Variants in HOMER2 observed in about 807,000 individuals in gnomAD.
The protein encoded by HOMER2 is homer protein homolog 2.
In HOMER2, 27 loss-of-function variants were observed where a neutral mutation model predicts 47.0. That is an observed-to-expected ratio of 0.57 (90% CI 0.42 to 0.79). HOMER2 has a LOEUF of 0.79. Ranked by LOEUF, HOMER2 falls within the 30% of genes least tolerant of loss-of-function variation. The pLI is 0.00. For synonymous variants in HOMER2, 161 were observed against 163.8 expected (o/e 0.98, Z 0.13); for missense variants, 443 against 435.0 (o/e 1.02, Z -0.16).
intron 1 of HOMER2, among the ~76,000 whole-genome samples, chr15:82,944,788 T>C (rs1258870237): frequency 6.6e-6 from 1 of 151,750 alleles, no homozygotes; most frequent in Admixed American, 6.6e-5. Flanking sequence ...AAACAGGAAA[T>C]ATAATGTCCT....
chr15:82,970,722 TTC>T (rs2029957466), intron 1 of HOMER2, among the ~76,000 whole-genome samples: 1 of 152,186 alleles, frequency 6.6e-6, no homozygotes, highest in Non-Finnish European at 1.5e-5. Flanking sequence ...GAGATAAAAT[TTC>T]TTTCAAATGG....
Position 82,952,670 on chromosome 15 carries a change from C to T in HOMER2, c.-135G>A, listed in dbSNP as rs2054534159. 3 of 995,154 alleles carry T rather than the reference C, an allele frequency of 3.0e-6. No individual in the cohort carries two copies. Among genetic ancestry groups the T allele is most frequent in the Non-Finnish European group, 3.6e-6 (3 of 837,724 alleles). The allele number at this position is 995,154 out of a possible 1,614,324, so 61.6% of individuals were successfully genotyped here. A position where few individuals can be genotyped will look rare whatever the true frequency, so the allele number is the denominator to read the frequency against. On this transcript the variant is annotated 5_prime_UTR_variant, in exon 1 of 9. Coordinates refer to ENST00000450735, the MANE Select transcript of HOMER2 (RefSeq NM_004839.4). ...TCAGCCCCGGCGCCGCTCCATTCCG[C>T]GGGGCTGCGCGGCTGCCACTGCTGC...
intron 1 of HOMER2, among the ~76,000 whole-genome samples, chr15:82,975,689 T>G (rs1387151247): frequency 5.9e-5 from 9 of 151,908 alleles, no homozygotes; most frequent in African/African-American, 2.2e-4. Flanking sequence ...AGATAAAGAG[T>G]AGAAGGATGA....
At chr15:82,985,950 G>T, upstream of HOMER2, 1 of 503,190 alleles carries the variant, frequency 2.0e-6, no homozygotes, top group Non-Finnish European at 2.6e-6. Flanking sequence ...CAGAACTTCC[G>T]TCTCTACCCG....
At chr15:82,854,533 G>A (rs1416505710) in intron 6 of HOMER2, 111 bp downstream of exon 6, 2 of 1,123,748 alleles carry the variant, frequency 1.8e-6, no homozygotes, top group African/African-American at 1.5e-5. Context: ...TCTTCCTCTG[G>A]CCATGGGGAT....
At chr15:82,923,940 T>G (rs2053794966) in intron 1 of HOMER2, among the ~76,000 whole-genome samples, 1 of 152,172 alleles carries the variant, frequency 6.6e-6, no homozygotes, top group South Asian at 2.1e-4. Flanking sequence ...ACATCTTACG[T>G]GCCGTGTCTC....
At chr15:82,951,659 C>T (rs2054508608) in intron 1 of HOMER2, among the ~76,000 whole-genome samples, 1 of 152,254 alleles carries the variant, frequency 6.6e-6, no homozygotes, top group African/African-American at 2.4e-5. Context: ...ATGCCCACGT[C>T]AGGCAGTGGC....
exon 2 of HOMER2, chr15:82,837,837 C>T (rs949898881): frequency 6.6e-6 from 1 of 152,292 alleles, no homozygotes; most frequent in African/African-American, 2.4e-5. Context: ...TTCCCAGGGC[C>T]TGGGCATGAG....
At chr15:82,948,390 C>CA (rs71156062) in intron 1 of HOMER2, among the ~76,000 whole-genome samples, 6,641 of 61,886 alleles carry the variant, frequency 0.11, 300 homozygotes, top group African/African-American at 0.18. Context: ...GACTCCATCT[C>CA]AAAAAAAAAA....
chr15:82,892,657 G>T, intron 2 of HOMER2, 28 bp downstream of exon 2: 2 of 1,461,832 alleles, frequency 1.4e-6, no homozygotes, highest in Non-Finnish European at 1.8e-6. Context: ...GCAACTGGGA[G>T]TATTAAAATC....
At position 82,916,092 on chromosome 15, in the gene HOMER2, C is replaced by T. The variant is rs2053581394; in HGVS notation, c.6-23251G>A. Among the ~76,000 whole-genome samples the T allele has an allele frequency of 2.0e-5, 3 of 152,298 alleles. No homozygotes were observed. In the South Asian group the frequency reaches 6.2e-4, roughly 32 times the overall value. On this transcript the variant is annotated intron_variant, in intron 1 of 8. Transcript: ENST00000450735. The stretch of plus-strand genomic sequence containing the variant: ...CCCTTCCCTACCAAATAGAATTAGC[C>T]AGACCTTGAAGGACTTGAGTGTCAC...
chr15:82,864,262 G>A lies in HOMER2; in HGVS notation c.295-3C>T, dbSNP rs745491432. Reference sequence around the variant, plus strand: ...ACCTCCTGGAATTTCTCTGCAAACTGAACATGAAGAATAGTTATTAAGGCT... The same window carrying A: ...ACCTCCTGGAATTTCTCTGCAAACTAAACATGAAGAATAGTTATTAAGGCT... On this transcript the variant is annotated splice_polypyrimidine_tract_variant and splice_region_variant and intron_variant, in intron 3 of 8. Coordinates refer to ENST00000450735, the MANE Select transcript of HOMER2 (RefSeq NM_004839.4). 1.2e-6 allele frequency: 2 copies of A among 1,602,800 alleles called. No homozygotes were observed.
At chr15:82,882,883 T>TCCCCTTCCAGCCCACAACAGCCTCCTGC in intron 2 of HOMER2, among the ~76,000 whole-genome samples, 36 of 61,658 alleles carry the variant, frequency 5.8e-4, no homozygotes, top group African/African-American at 2.9e-3. Flanking sequence ...AGCCACTGCT[T>TCCCCTTCCAGCCCACAACAGCCTCCTGC]TTTTTTTTTT....
chr15:82,918,857 C>T (rs951783669), intron 1 of HOMER2, among the ~76,000 whole-genome samples: 6 of 151,954 alleles, frequency 3.9e-5, no homozygotes, highest in Non-Finnish European at 7.4e-5. Flanking sequence ...AACTCGGCCC[C>T]GTAAATGGCT....
exon 2 of HOMER2, chr15:82,837,773 C>T (rs974586318): frequency 6.6e-6 from 1 of 152,238 alleles, no homozygotes; most frequent in African/African-American, 2.4e-5. Context: ...GCAGCTCACC[C>T]CTCCACTGGA....
chr15:82,868,543 T>TA (rs1567023464), intron 3 of HOMER2, among the ~76,000 whole-genome samples: 833 of 36,814 alleles, frequency 0.023, 33 homozygotes, highest in South Asian at 0.063. Flanking sequence ...ATATATATAT[T>TA]TTTTTTTTTT....
At chr15:82,853,261 C>A (rs916023060) in intron 6 of HOMER2, among the ~76,000 whole-genome samples, 3 of 73,172 alleles carry the variant, frequency 4.1e-5, no homozygotes, top group African/African-American at 1.3e-4. Flanking sequence ...TTCCTCCACT[C>A]CCCCCGCACT....
At chr15:82,934,902 C>T (rs539613060) in intron 1 of HOMER2, among the ~76,000 whole-genome samples, 4 of 152,230 alleles carry the variant, frequency 2.6e-5, no homozygotes, top group Non-Finnish European at 5.9e-5. Context: ...ACCCTGTCCC[C>T]CACTCACGCT....
chr15:82,910,160 A>AAAAG, intron 1 of HOMER2, among the ~76,000 whole-genome samples: 1 of 149,662 alleles, frequency 6.7e-6, no homozygotes, highest in Non-Finnish European at 1.5e-5. Flanking sequence ...AAAAAAAAAA[A>AAAAG]GGCTAACTTG....
Sources: gnomAD v4.1 joint callset for allele counts (sites outside exome capture counted in the v4.1 genomes callset) on GRCh38, gnomAD v4.1.1 for gene constraint, MANE v1.5 for transcripts, NCBI Gene and HGNC (gene_info 2026-07-23, HGNC 2026-07-21) for gene names.